KIF26B: variants seen among roughly 807,000 people sequenced by gnomAD.
The protein encoded by KIF26B is kinesin-like protein KIF26B.
KIF26B carries 63 observed loss-of-function variants against 151.2 expected under a neutral mutation model. The observed-to-expected ratio is 0.42, with a 90% CI of 0.34 to 0.51. The LOEUF (loss-of-function observed/expected upper bound fraction) is 0.51. Ranked by LOEUF, KIF26B falls within the 20% of genes least tolerant of loss-of-function variation. KIF26B has a pLI of 0.07. For synonymous variants in KIF26B, 1,357 were observed against 1,262.1 expected (o/e 1.08, Z -1.59); for missense variants, 2,813 against 2,913.6 (o/e 0.97, Z 0.79).
In KIF26B at chr1:245,705,516, G is replaced by A. The variant is rs773160350; in HGVS notation, c.*2910G>A. 2.0e-5 allele frequency: 3 copies of A among 152,120 alleles called. No homozygotes were observed. The highest frequency in any genetic ancestry group is 4.8e-5 in the African/African-American group (2 of 41,414). The allele number at this position is 152,120 out of a possible 1,614,324, so 9.4% of individuals were successfully genotyped here. A position where few individuals can be genotyped will look rare whatever the true frequency, so the allele number is the denominator to read the frequency against. ...TTCCAGGTCTCCCCTTGGTTTTGGT[G>A]ATAGAGAACCCAAGGAGGCAAGGGG... On this transcript the variant is annotated 3_prime_UTR_variant, in exon 15 of 15. Coordinates refer to ENST00000407071, the MANE Select transcript of KIF26B (RefSeq NM_018012.4).
chr1:245,635,625 A>AC (rs2043826617), intron 9 of KIF26B, among the ~76,000 whole-genome samples: 1 of 149,064 alleles, frequency 6.7e-6, no homozygotes, highest in Non-Finnish European at 1.5e-5. Context: ...GATTTCTGCT[A>AC]TTTTTTTTCC....
chr1:245,678,893 ACT>A (rs2044391677), intron 10 of KIF26B, among the ~76,000 whole-genome samples: 1 of 150,352 alleles, frequency 6.7e-6, no homozygotes, highest in Non-Finnish European at 1.5e-5. Context: ...CAAGACAAAA[ACT>A]CTCTCCCTTT....
chr1:245,411,367 T>C (rs758543283), intron 3 of KIF26B, among the ~76,000 whole-genome samples: 52 of 152,310 alleles, frequency 3.4e-4, no homozygotes, highest in Non-Finnish European at 3.8e-4. Flanking sequence ...AATAGCTTAG[T>C]GAGGTCTGAG....
Position 245,156,264 on chromosome 1 carries a change from G to A in KIF26B, c.64-18G>A, listed in dbSNP as rs1447294319. ...CCGCCGCCTTGCAGCCCCTGACACC[G>A]GCGTGTCTTCCCCGCAGGTGAATGA... On this transcript the variant is annotated intron_variant, in intron 1 of 14. Coordinates refer to ENST00000407071, the MANE Select transcript of KIF26B (RefSeq NM_018012.4). 2.6e-6 allele frequency: 4 copies of A among 1,543,474 alleles called. No homozygotes were observed. The highest frequency in any genetic ancestry group is 3.5e-6 in the Non-Finnish European group (4 of 1,144,910).
At chr1:245,634,798 C>T (rs963600018) in intron 9 of KIF26B, among the ~76,000 whole-genome samples, 4 of 152,092 alleles carry the variant, frequency 2.6e-5, no homozygotes, top group African/African-American at 9.7e-5. Context: ...CAATTTTAAA[C>T]TCCTGTGCTC....
In KIF26B at chr1:245,539,480, G is replaced by A. The variant is rs2103101542; in HGVS notation, c.1167-1287G>A. Reference sequence around the variant, plus strand: ...AGTCAGGGCGGTCCTTTCATTTTAAGCAGCAGCTCAAACATTTGATGAGGA... The same window carrying A: ...AGTCAGGGCGGTCCTTTCATTTTAAACAGCAGCTCAAACATTTGATGAGGA... On this transcript the variant is annotated intron_variant, in intron 4 of 14. Coordinates refer to ENST00000407071, the MANE Select transcript of KIF26B (RefSeq NM_018012.4). Among the ~76,000 whole-genome samples the A allele has an allele frequency of 1.3e-5, 2 of 152,294 alleles. 1 individual carries two copies. The highest frequency in any genetic ancestry group is 4.1e-4 in the South Asian group (2 of 4,830).
chr1:245,667,363 G>C lies in KIF26B; in HGVS notation c.2259-16870G>C, dbSNP rs949327803. Among the ~76,000 whole-genome samples, 1 of 152,034 alleles carries C rather than the reference G, an allele frequency of 6.6e-6. No homozygotes were observed. The highest frequency in any genetic ancestry group is 1.5e-5 in the Non-Finnish European group (1 of 68,018). Reference sequence around the variant, plus strand: ...GCTACTTTTTTAAATATTTTTAATAGAGATGGGGTTTCGCCATGTGTCCCA... The same window carrying C: ...GCTACTTTTTTAAATATTTTTAATACAGATGGGGTTTCGCCATGTGTCCCA... On this transcript the variant is annotated intron_variant, in intron 10 of 14. Transcript: ENST00000407071. The surrounding 1 kb of genome is among the most constrained non-coding windows in gnomAD (Gnocchi z 4.3).
intron 2 of KIF26B, among the ~76,000 whole-genome samples, chr1:245,184,047 G>GTTTTTTTTTTTTTTTTTT (rs1469137088): frequency 0.013 from 119 of 9,220 alleles, 9 homozygotes; most frequent in African/African-American, 0.015. Flanking sequence ...GGTGGGAGTT[G>GTTTTTTTTTTTTTTTTTT]TTGTTTTTTT....
chr1:245,334,590 G>T (rs1241065211), intron 2 of KIF26B, among the ~76,000 whole-genome samples: 1 of 152,200 alleles, frequency 6.6e-6, no homozygotes, highest in African/African-American at 2.4e-5. Context: ...CTCCATCTGG[G>T]GTCAGACCCC....
intron 10 of KIF26B, among the ~76,000 whole-genome samples, chr1:245,666,968 T>C (rs189568304): frequency 3.7e-4 from 57 of 152,140 alleles, no homozygotes; most frequent in African/African-American, 1.3e-3. Flanking sequence ...TCGGGGAACG[T>C]TGTACATCAG....
At chr1:245,433,656 C>T in intron 4 of KIF26B, among the ~76,000 whole-genome samples, 1 of 152,086 alleles carries the variant, frequency 6.6e-6, no homozygotes, top group East Asian at 1.9e-4. Context: ...AGCAGTGCAC[C>T]ATTTCTGATA....
intron 3 of KIF26B, among the ~76,000 whole-genome samples, chr1:245,390,913 C>A (rs1416486180): frequency 1.8e-5 from 1 of 56,894 alleles, no homozygotes; most frequent in Non-Finnish European, 2.9e-5. Context: ...TATAACAAGA[C>A]CCTGTCTCAA....
chr1:245,598,873 G>A (rs1237031321), intron 5 of KIF26B, among the ~76,000 whole-genome samples: 2 of 152,146 alleles, frequency 1.3e-5, no homozygotes, highest in Non-Finnish European at 2.9e-5. Context: ...GTCTCTTCTT[G>A]CTTGAATCAG....
chr1:245,275,140 G>A (rs759628200), intron 2 of KIF26B, among the ~76,000 whole-genome samples: 5 of 152,154 alleles, frequency 3.3e-5, no homozygotes, highest in African/African-American at 4.8e-5. Context: ...TTTGAGAAGT[G>A]TCTGTTTATA....
chr1:245,384,270 T>C (rs142560169), intron 3 of KIF26B, among the ~76,000 whole-genome samples: 20 of 152,304 alleles, frequency 1.3e-4, no homozygotes, highest in African/African-American at 4.6e-4. Flanking sequence ...TCTGTGAATA[T>C]CACTAACTTA....
chr1:245,509,985 C>T (rs1660797284), intron 4 of KIF26B, among the ~76,000 whole-genome samples: 1 of 152,232 alleles, frequency 6.6e-6, no homozygotes, highest in Non-Finnish European at 1.5e-5. Flanking sequence ...TGGGCATCAT[C>T]TGGGCTTTGG....
chr1:245,617,318 G>C (rs570235613), intron 9 of KIF26B, among the ~76,000 whole-genome samples: 2 of 152,156 alleles, frequency 1.3e-5, no homozygotes, highest in South Asian at 2.1e-4. Flanking sequence ...CGCTGGTCTC[G>C]AACTCCTGAC....
chr1:245,597,778 G>A lies in KIF26B; in HGVS notation c.1351-4799G>A, dbSNP rs138290077. Among the ~76,000 whole-genome samples the A allele has an allele frequency of 1.5e-3, 225 of 152,294 alleles. 2 individuals are homozygous for A. The East Asian group carries it at 0.026, about 18-fold the overall frequency. On this transcript the variant is annotated intron_variant, in intron 5 of 14. Transcript: ENST00000407071. This position sits in a 1 kb window ranked among gnomAD's most constrained non-coding sequence, Gnocchi z 4.6. ...CTTTCAGGTACACCAATCAAACATA[G>A]GTTTGGTCTTTTCACATAGTTCCAT... is the stretch of plus-strand genomic sequence containing the variant.
intron 2 of KIF26B, among the ~76,000 whole-genome samples, chr1:245,333,042 G>A (rs1172716129): frequency 6.6e-6 from 1 of 152,166 alleles, no homozygotes; most frequent in African/African-American, 2.4e-5. Flanking sequence ...GGACTGGTGG[G>A]AAAGAAGAAA....
Sources: gnomAD v4.1 joint callset for allele counts (sites outside exome capture counted in the v4.1 genomes callset) on GRCh38, gnomAD v4.1.1 for gene constraint, Gnocchi (gnomAD v3.1) non-coding constraint, MANE v1.5 for transcripts, NCBI Gene and HGNC (gene_info 2026-07-23, HGNC 2026-07-21) for gene names.